Variants in MIS18A observed in about 807,000 individuals in gnomAD.
The protein encoded by MIS18A is protein Mis18-alpha.
Under a neutral mutation model 25.0 loss-of-function variants are expected in MIS18A, and 14 were observed. That is an observed-to-expected ratio of 0.56 (90% CI 0.37 to 0.88). The LOEUF is 0.88. Among genes scored for constraint, MIS18A ranks in the 40% least tolerant of loss-of-function variants. The pLI is 0.00. For missense variants in MIS18A, 292 were observed against 290.8 expected (o/e 1.00, Z -0.03); for synonymous variants, 134 against 118.6 (o/e 1.13, Z -0.84).
At chr21:32,198,918 A>AAAG in the MIS18A span, among the ~76,000 whole-genome samples, 469 of 152,030 alleles carry the variant, frequency 3.1e-3, 3 homozygotes, top group African/African-American at 0.01. Context: ...AAAAAAAAAA[A>AAAG]AAAGAAAGAA....
At chr21:32,157,274 TG>T in the MIS18A span, among the ~76,000 whole-genome samples, 1 of 38 alleles carries the variant, frequency 0.026, no homozygotes, top group Non-Finnish European at 0.05. Flanking sequence ...TTCATCATCT[TG>T]GCCCAGGCTG....
At chr21:32,272,850 A>C (rs1352785584) in intron 2 of MIS18A, among the ~76,000 whole-genome samples, 3 of 152,240 alleles carry the variant, frequency 2.0e-5, no homozygotes, top group Non-Finnish European at 4.4e-5. Flanking sequence ...CTAGAGCTAG[A>C]GCTAGAAAGT....
At chr21:32,164,597 G>T in the MIS18A span, among the ~76,000 whole-genome samples, 1 of 151,660 alleles carries the variant, frequency 6.6e-6, no homozygotes, top group Admixed American at 6.6e-5. Context: ...TTTTCCAAAG[G>T]TCACAGCACA....
chr21:32,229,669 A>G, the MIS18A span, among the ~76,000 whole-genome samples: 1 of 152,232 alleles, frequency 6.6e-6, no homozygotes, highest in Non-Finnish European at 1.5e-5. Flanking sequence ...GTGTTTATTC[A>G]CATCACAGAA....
the MIS18A span, among the ~76,000 whole-genome samples, chr21:32,222,243 T>C: frequency 2.6e-5 from 4 of 152,082 alleles, no homozygotes; most frequent in Admixed American, 2.6e-4. Flanking sequence ...GAAAAGCTAA[T>C]GATCTAAATA....
chr21:32,209,656 C>A, the MIS18A span, among the ~76,000 whole-genome samples: 1 of 152,142 alleles, frequency 6.6e-6, no homozygotes, highest in Non-Finnish European at 1.5e-5. Flanking sequence ...CCATAATCCT[C>A]ATGTGTGATG....
chr21:32,164,952 A>G, the MIS18A span, among the ~76,000 whole-genome samples: 1 of 152,234 alleles, frequency 6.6e-6, no homozygotes, highest in African/African-American at 2.4e-5. Flanking sequence ...TCACTACTAC[A>G]TATCAATAAG....
chr21:32,228,493 C>G, the MIS18A span, among the ~76,000 whole-genome samples: 4 of 152,164 alleles, frequency 2.6e-5, no homozygotes, highest in Non-Finnish European at 5.9e-5. Context: ...GTGGGAGATT[C>G]TAGCCAGGGC....
At chr21:32,237,343 G>C in the MIS18A span, among the ~76,000 whole-genome samples, 6 of 152,310 alleles carry the variant, frequency 3.9e-5, no homozygotes, top group African/African-American at 1.2e-4. Flanking sequence ...TGATGTGTTA[G>C]CACAGCATAA....
At chr21:32,248,155 C>A in the MIS18A span, among the ~76,000 whole-genome samples, 1 of 152,202 alleles carries the variant, frequency 6.6e-6, no homozygotes, top group African/African-American at 2.4e-5. Flanking sequence ...GACCCCAACA[C>A]CCTTCCAAGA....
At chr21:32,251,466 C>G in the MIS18A span, among the ~76,000 whole-genome samples, 1 of 152,108 alleles carries the variant, frequency 6.6e-6, no homozygotes, top group Non-Finnish European at 1.5e-5. Flanking sequence ...CCTTAAATCG[C>G]TAACCACTCC....
chr21:32,192,515 A>AG, the MIS18A span, among the ~76,000 whole-genome samples: 28 of 152,212 alleles, frequency 1.8e-4, no homozygotes, highest in South Asian at 2.1e-4. Context: ...CTGAAGTTGT[A>AG]GGGGGGGTCA....
chr21:32,206,826 GCGGGCTGCTC>G, the MIS18A span, among the ~76,000 whole-genome samples: 8 of 152,160 alleles, frequency 5.3e-5, no homozygotes, highest in Non-Finnish European at 1.0e-4. Context: ...CAGCCACACT[GCGGGCTGCTC>G]TGTGAATGCC....
At chr21:32,195,666 G>T in the MIS18A span, among the ~76,000 whole-genome samples, 3 of 152,112 alleles carry the variant, frequency 2.0e-5, no homozygotes, top group Non-Finnish European at 4.4e-5. Context: ...TTTTAATTAT[G>T]AGCTCCGTGC....
At chr21:32,186,233 G>A in the MIS18A span, among the ~76,000 whole-genome samples, 3 of 152,204 alleles carry the variant, frequency 2.0e-5, no homozygotes, top group Non-Finnish European at 2.9e-5. Context: ...AACGACTTGA[G>A]AGATTTTCAG....
At chr21:32,263,723 T>C (rs1378945806), downstream of MIS18A, among the ~76,000 whole-genome samples, 1 of 152,174 alleles carries the variant, frequency 6.6e-6, no homozygotes, top group Non-Finnish European at 1.5e-5. Context: ...GAGAAGTCAC[T>C]TTCTCTTTTC....
At chr21:32,265,930 A>G (rs1156654477), downstream of MIS18A, among the ~76,000 whole-genome samples, 153 of 144,066 alleles carry the variant, frequency 1.1e-3, no homozygotes, top group Non-Finnish European at 1.8e-3. Flanking sequence ...TGGTGAGGAC[A>G]TGGAGAGTCT....
the MIS18A span, among the ~76,000 whole-genome samples, chr21:32,157,023 T>C: frequency 4.6e-5 from 7 of 151,118 alleles, no homozygotes; most frequent in South Asian, 2.1e-4. Context: ...ACTAGGCTGA[T>C]TGCATTTCCT....
chr21:32,245,459 A>G, the MIS18A span, among the ~76,000 whole-genome samples: 1 of 152,218 alleles, frequency 6.6e-6, no homozygotes, highest in Non-Finnish European at 1.5e-5. Flanking sequence ...AGGGACGAAG[A>G]GTCAAAATTC....
Sources: allele counts gnomAD v4.1 joint callset (sites outside exome capture counted in the v4.1 genomes callset), GRCh38; gene constraint gnomAD v4.1.1; transcripts MANE v1.5; gene names NCBI Gene and HGNC (gene_info 2026-07-23, HGNC 2026-07-21).